The following SYN3 variants were observed in gnomAD, a reference collection of about 807,000 sequenced individuals.
The protein encoded by SYN3 is synapsin III, also known as synapsin-3.
A neutral mutation model predicts 65.8 loss-of-function variants in SYN3; 35 were observed. That is an observed-to-expected ratio of 0.53 (90% CI 0.41 to 0.70). The LOEUF (loss-of-function observed/expected upper bound fraction) is 0.70. Ranked by LOEUF, SYN3 falls within the 30% of genes least tolerant of loss-of-function variation. The probability of loss-of-function intolerance (pLI) is 0.00; values close to 1 mark genes in which losing one functional copy is unlikely to be tolerated. For synonymous variants in SYN3, 270 were observed against 292.9 expected (o/e 0.92, Z 0.80); for missense variants, 680 against 749.0 (o/e 0.91, Z 1.08).
chr22:32,916,423 T>C (rs2050187477), intron 4 of SYN3, among the ~76,000 whole-genome samples: 1 of 152,264 alleles, frequency 6.6e-6, no homozygotes, highest in African/African-American at 2.4e-5. Context: ...AAATAATTAC[T>C]GTCGGTAAGT....
At chr22:32,811,577 G>T (rs530895069) in intron 6 of SYN3, among the ~76,000 whole-genome samples, 1 of 152,304 alleles carries the variant, frequency 6.6e-6, no homozygotes, top group Admixed American at 6.5e-5. Flanking sequence ...ACAGGGCAGA[G>T]AAAGAAACAA....
At chr22:32,550,937 G>T (rs188991730) in intron 7 of SYN3, among the ~76,000 whole-genome samples, 1 of 152,184 alleles carries the variant, frequency 6.6e-6, no homozygotes, top group Non-Finnish European at 1.5e-5. Context: ...GGGATAACTT[G>T]AGTATCAGAA....
intron 4 of SYN3, among the ~76,000 whole-genome samples, chr22:32,916,400 A>T (rs913723807): frequency 6.7e-4 from 102 of 152,264 alleles, no homozygotes; most frequent in Non-Finnish European, 1.0e-4. Flanking sequence ...ATGAGGATAC[A>T]GATCCAGAAA....
At chr22:32,661,167 C>T (rs2060211135) in intron 6 of SYN3, among the ~76,000 whole-genome samples, 1 of 152,246 alleles carries the variant, frequency 6.6e-6, no homozygotes, top group Non-Finnish European at 1.5e-5. Context: ...GAGAGAGGGG[C>T]ATGAGTTGGG....
intron 1 of SYN3, among the ~76,000 whole-genome samples, chr22:33,028,767 A>G (rs1282571311): frequency 2.0e-5 from 3 of 151,776 alleles, no homozygotes; most frequent in Non-Finnish European, 4.4e-5. Flanking sequence ...TGTGGCCAGC[A>G]CGGTGGCTCA....
chr22:32,675,198 C>A (rs2060422952), intron 6 of SYN3, among the ~76,000 whole-genome samples: 1 of 152,190 alleles, frequency 6.6e-6, no homozygotes, highest in South Asian at 2.1e-4. Flanking sequence ...CTTTCTTTGG[C>A]CCCTGACCTG....
intron 6 of SYN3, among the ~76,000 whole-genome samples, chr22:32,760,328 G>A (rs946663406): frequency 4.0e-5 from 6 of 151,706 alleles, no homozygotes; most frequent in African/African-American, 1.5e-4. Context: ...TGAAGGAGAG[G>A]AGAAGCAAAC....
At chr22:32,727,359 G>A (rs1382365263) in intron 6 of SYN3, among the ~76,000 whole-genome samples, 3 of 152,204 alleles carry the variant, frequency 2.0e-5, no homozygotes, top group Admixed American at 6.5e-5. Flanking sequence ...TGGTGTATAT[G>A]TACCACATTT....
intron 6 of SYN3, among the ~76,000 whole-genome samples, chr22:32,665,380 C>A (rs2060276628): frequency 6.6e-6 from 1 of 151,856 alleles, no homozygotes; most frequent in African/African-American, 2.4e-5. Context: ...GTTTGGTTTT[C>A]TATTCCTGAG....
At chr22:32,634,378 G>A (rs1165782622) in intron 6 of SYN3, among the ~76,000 whole-genome samples, 2 of 152,122 alleles carry the variant, frequency 1.3e-5, no homozygotes, top group Non-Finnish European at 2.9e-5. Context: ...CAGGATTCTT[G>A]GCATCTTCTG....
chr22:32,619,264 A>T (rs1188954904), intron 6 of SYN3, among the ~76,000 whole-genome samples: 2 of 152,218 alleles, frequency 1.3e-5, no homozygotes, highest in African/African-American at 2.4e-5. Flanking sequence ...ACTGGATTTT[A>T]ATTTATTCAT....
At chr22:32,903,434 G>A (rs988476441) in intron 4 of SYN3, among the ~76,000 whole-genome samples, 6 of 152,152 alleles carry the variant, frequency 3.9e-5, no homozygotes, top group Admixed American at 3.3e-4. Context: ...ACAGGGAACT[G>A]CGCACACCAC....
chr22:32,823,628 C>T (rs906615409), intron 6 of SYN3, among the ~76,000 whole-genome samples: 8 of 152,104 alleles, frequency 5.3e-5, no homozygotes, highest in African/African-American at 1.4e-4. Context: ...CTTAGGGGGC[C>T]GTGAGTGCAG....
intron 1 of SYN3, among the ~76,000 whole-genome samples, chr22:33,033,191 G>A (rs1021257813): frequency 2.6e-5 from 4 of 151,872 alleles, no homozygotes; most frequent in Middle Eastern, 3.2e-3. Context: ...CATGTTGGCC[G>A]GCTTTCACCA....
intron 6 of SYN3, among the ~76,000 whole-genome samples, chr22:32,807,333 T>TATATATA (rs1375395004): frequency 4.3e-4 from 19 of 44,034 alleles, no homozygotes; most frequent in African/African-American, 1.9e-3. Context: ...ATATATAATT[T>TATATATA]ATATATAATA....
At chr22:32,965,141 T>C (rs944769364) in intron 3 of SYN3, among the ~76,000 whole-genome samples, 1 of 152,278 alleles carries the variant, frequency 6.6e-6, no homozygotes, top group African/African-American at 2.4e-5. Flanking sequence ...CAGTACTCTG[T>C]GGGGTGGTGA....
chr22:32,732,152 G>A (rs548608288), intron 6 of SYN3, among the ~76,000 whole-genome samples: 1 of 152,190 alleles, frequency 6.6e-6, no homozygotes, highest in Non-Finnish European at 1.5e-5. Flanking sequence ...GTGAACCTCT[G>A]TTTGGGAAGT....
chr22:32,633,786 AT>A (rs11297430), intron 6 of SYN3, among the ~76,000 whole-genome samples: 28,680 of 146,404 alleles, frequency 0.2, 6,092 homozygotes, highest in African/African-American at 0.53. Context: ...TCTCAATCTC[AT>A]TTTTTTTTTC....
intron 1 of SYN3, among the ~76,000 whole-genome samples, chr22:33,018,075 ATT>A (rs1384019076): frequency 6.6e-6 from 1 of 152,206 alleles, no homozygotes; most frequent in African/African-American, 2.4e-5. Context: ...AAAGTAAGCC[ATT>A]GGAGGGTTAG....
Sources: gnomAD v4.1 joint callset for allele counts (sites outside exome capture counted in the v4.1 genomes callset) on GRCh38, gnomAD v4.1.1 for gene constraint, MANE v1.5 for transcripts, NCBI Gene and HGNC (gene_info 2026-07-23, HGNC 2026-07-21) for gene names.